FAR2: variants seen among roughly 807,000 people sequenced by gnomAD.
The protein encoded by FAR2 is fatty acyl-CoA reductase 2.
FAR2 carries 19 observed loss-of-function variants against 56.0 expected under a neutral mutation model. That is an observed-to-expected ratio of 0.34 (90% confidence interval 0.24 to 0.50). FAR2 has a LOEUF of 0.50. FAR2 is among the 20% of genes least tolerant of loss of function. The pLI is 0.98. For synonymous variants in FAR2, 219 were observed against 218.8 expected, an observed-to-expected ratio of 1.00 and a Z score of -0.01; for missense variants, 508 against 642.2, an observed-to-expected ratio of 0.79 and a Z score of 2.26.
At chr12:29,275,654 G>A (rs1050321463) in intron 2 of FAR2, among the ~76,000 whole-genome samples, 2 of 152,058 alleles carry the variant, frequency 1.3e-5, no homozygotes, top group African/African-American at 2.4e-5. Flanking sequence ...CATCTTGGTC[G>A]CACCTCTGGA....
At chr12:29,173,483 A>G (rs1022258887) in intron 1 of FAR2, among the ~76,000 whole-genome samples, 2 of 151,920 alleles carry the variant, frequency 1.3e-5, no homozygotes, top group Non-Finnish European at 2.9e-5. Context: ...AAGGTATTTC[A>G]CTCCATTTAC....
chr12:29,286,817 T>G (rs973631440), intron 2 of FAR2, among the ~76,000 whole-genome samples: 8 of 152,300 alleles, frequency 5.3e-5, no homozygotes, highest in Middle Eastern at 3.4e-3. Context: ...AAATTGTCTT[T>G]AAGAACAGCA....
At position 29,270,611 on chromosome 12, in the gene FAR2, G is replaced by T; in HGVS notation, c.162G>T (p.Gln54His). The T allele has an allele frequency of 6.2e-7, 1 of 1,613,626 alleles. No homozygotes were observed. The highest frequency in any genetic ancestry group is 8.5e-7 in the Non-Finnish European group (1 of 1,179,724). ...VRPKAGQTLQ[Q>H]RVFQILDSKL... ...CCAAGGCTGGCCAGACACTGCAGCA[G>T]AGGGTTTTCCAGATCCTAGACAGTA... is the stretch of plus-strand genomic sequence containing the variant. The change falls in exon 2 of 12, where the codon CAG becomes CAT. Residue 54 changes from glutamine (Q) to histidine (H), a missense_variant. By Grantham distance (24) the Gln-to-His change is conservative. Coordinates refer to ENST00000536681, the MANE Select transcript of FAR2 (RefSeq NM_001271783.2).
At chr12:29,256,079 C>G (rs1457734247) in intron 1 of FAR2, among the ~76,000 whole-genome samples, 3 of 152,120 alleles carry the variant, frequency 2.0e-5, no homozygotes, top group Admixed American at 2.0e-4. Flanking sequence ...ATCATGTTAG[C>G]CAGGCTAGTC....
intron 2 of FAR2, among the ~76,000 whole-genome samples, chr12:29,290,510 AC>A (rs1195456207): frequency 2.6e-5 from 4 of 152,164 alleles, no homozygotes; most frequent in Admixed American, 6.5e-5. Context: ...TATATACCCA[AC>A]AAAAAGGAAA....
chr12:29,320,808 T>C (rs914992241), intron 9 of FAR2, among the ~76,000 whole-genome samples: 3 of 152,128 alleles, frequency 2.0e-5, no homozygotes, highest in African/African-American at 7.2e-5. Context: ...AGTTGGGAGG[T>C]GCACAAAGAA....
intron 1 of FAR2, among the ~76,000 whole-genome samples, chr12:29,191,854 T>C (rs937604012): frequency 6.6e-6 from 1 of 152,194 alleles, no homozygotes; most frequent in Non-Finnish European, 1.5e-5. Flanking sequence ...CTTGATTCCT[T>C]TCAAAATCTC....
chr12:29,307,636 TTC>T lies in FAR2; in HGVS notation c.546-18_546-17del. On this transcript the variant is annotated intron_variant, in intron 4 of 11. Transcript: ENST00000536681. Reference sequence around the variant, plus strand: ...TATTGTCTAACATATGTTACTAGAATTCTCTTTACTCTACCTTTTAGGTGGTT... The same window carrying T: ...TATTGTCTAACATATGTTACTAGAATTCTTTACTCTACCTTTTAGGTGGTT... 6.3e-7 allele frequency: 1 copy of T among 1,579,250 alleles called. No individual in the cohort carries two copies. The highest frequency in any genetic ancestry group is 8.6e-7 in the Non-Finnish European group (1 of 1,165,862).
chr12:29,231,252 G>GGCAGAAGAT, intron 1 of FAR2, among the ~76,000 whole-genome samples: 1 of 152,166 alleles, frequency 6.6e-6, no homozygotes, highest in Non-Finnish European at 1.5e-5. Context: ...TGTGGTGGTG[G>GGCAGAAGAT]TAGACGTGAC....
At position 29,300,702 on chromosome 12, in the gene FAR2, T is replaced by G. The variant is rs148344034; in HGVS notation, c.545+3502T>G. ...GTCTAGTGGCTGCCATTGCTCTTAGTAATTCAGCAGTTCTTATTTATTTAT... is the reference window on the plus strand; with the variant it reads ...GTCTAGTGGCTGCCATTGCTCTTAGGAATTCAGCAGTTCTTATTTATTTAT... On this transcript the variant is annotated intron_variant, in intron 4 of 11. Transcript: ENST00000536681. 6.0e-4 allele frequency among the ~76,000 whole-genome samples: 91 copies of G among 152,292 alleles called. No individual in the cohort carries two copies. The East Asian group carries it at 0.017, about 28-fold the overall frequency.
intron 1 of FAR2, among the ~76,000 whole-genome samples, chr12:29,161,193 C>T (rs1268830307): frequency 3.9e-5 from 6 of 152,178 alleles, no homozygotes; most frequent in Admixed American, 1.3e-4. Flanking sequence ...CACACACAGA[C>T]ACCTCCCAGA....
intron 1 of FAR2, among the ~76,000 whole-genome samples, chr12:29,260,147 A>G (rs1948391560): frequency 6.6e-6 from 1 of 152,224 alleles, no homozygotes; most frequent in Non-Finnish European, 1.5e-5. Flanking sequence ...GTTGTAACAT[A>G]TGAAATTGGA....
intron 1 of FAR2, among the ~76,000 whole-genome samples, chr12:29,196,941 G>A (rs1950149190): frequency 6.6e-6 from 1 of 152,096 alleles, no homozygotes; most frequent in Non-Finnish European, 1.5e-5. Flanking sequence ...TCATTAAAAA[G>A]TAAACTGTAT....
At chr12:29,319,334 G>T (rs1949516138) in intron 9 of FAR2, among the ~76,000 whole-genome samples, 1 of 152,184 alleles carries the variant, frequency 6.6e-6, no homozygotes, top group African/African-American at 2.4e-5. Flanking sequence ...ATGGGGGTAA[G>T]AATACTTTGT....
At chr12:29,264,031 A>C (rs1948469757) in intron 1 of FAR2, among the ~76,000 whole-genome samples, 1 of 152,130 alleles carries the variant, frequency 6.6e-6, no homozygotes, top group Non-Finnish European at 1.5e-5. Flanking sequence ...TAGGAAAACT[A>C]TATGCCAATA....
At chr12:29,235,905 AG>A (rs1435675021) in intron 1 of FAR2, among the ~76,000 whole-genome samples, 1 of 152,080 alleles carries the variant, frequency 6.6e-6, no homozygotes, top group Non-Finnish European at 1.5e-5. Flanking sequence ...CTAGGGGAGG[AG>A]GGGGGAAGAA....
chr12:29,270,907 T>C (rs1407902402), intron 2 of FAR2, among the ~76,000 whole-genome samples: 1 of 152,228 alleles, frequency 6.6e-6, no homozygotes, highest in Non-Finnish European at 1.5e-5. Flanking sequence ...ACTCCCTGAG[T>C]GGATGCTTCA....
At chr12:29,191,994 A>G (rs139637889) in intron 1 of FAR2, among the ~76,000 whole-genome samples, 40 of 152,370 alleles carry the variant, frequency 2.6e-4, no homozygotes, top group African/African-American at 9.4e-4. Context: ...TACTTATCAG[A>G]AAGTCAGTTG....
intron 1 of FAR2, among the ~76,000 whole-genome samples, chr12:29,175,719 G>A (rs888446515): frequency 3.9e-5 from 6 of 152,226 alleles, no homozygotes; most frequent in East Asian, 1.9e-4. Flanking sequence ...GATTTGGTGC[G>A]TTTTTACAGA....
Sources: gnomAD v4.1 joint callset for allele counts (sites outside exome capture counted in the v4.1 genomes callset) on GRCh38, gnomAD v4.1.1 for gene constraint, MANE v1.5 for transcripts, NCBI Gene and HGNC (gene_info 2026-07-23, HGNC 2026-07-21) for gene names.